RAB3C: variants seen among roughly 807,000 people sequenced by gnomAD.
RAB3C encodes ras-related protein Rab-3C.
In RAB3C, 17 loss-of-function variants were observed where a neutral mutation model predicts 26.4. That is an observed-to-expected ratio of 0.64 (90% CI 0.44 to 0.97). RAB3C has a LOEUF of 0.97. Ranked by LOEUF, RAB3C falls within the 50% of genes least tolerant of loss-of-function variation. The probability of loss-of-function intolerance (pLI) is 0.00; values close to 1 mark genes in which losing one functional copy is unlikely to be tolerated. For missense variants in RAB3C, 242 were observed against 281.9 expected, an observed-to-expected ratio of 0.86 and a Z score of 1.01; for synonymous variants, 91 against 95.9, an observed-to-expected ratio of 0.95 and a Z score of 0.30.
At chr5:58,608,046 A>G (rs1746609859) in intron 1 of RAB3C, among the ~76,000 whole-genome samples, 1 of 152,220 alleles carries the variant, frequency 6.6e-6, no homozygotes. Flanking sequence ...ATAACCAGCT[A>G]ACATCATAAT....
At chr5:58,736,210 T>C (rs1741131280) in intron 3 of RAB3C, among the ~76,000 whole-genome samples, 1 of 152,314 alleles carries the variant, frequency 6.6e-6, no homozygotes, top group African/African-American at 2.4e-5. Context: ...GGCCCCATGG[T>C]CTAGGCCCCA....
chr5:58,640,675 AGT>A (rs1747396402), intron 2 of RAB3C, among the ~76,000 whole-genome samples: 1 of 152,180 alleles, frequency 6.6e-6, no homozygotes. Flanking sequence ...TCCTCTCATA[AGT>A]GTGGCCAAAG....
chr5:58,686,020 T>C (rs1246947449), intron 2 of RAB3C, among the ~76,000 whole-genome samples: 1 of 152,194 alleles, frequency 6.6e-6, no homozygotes, highest in Non-Finnish European at 1.5e-5. Context: ...ATGTAATTTA[T>C]GAAGATGCCT....
intron 1 of RAB3C, among the ~76,000 whole-genome samples, chr5:58,616,753 G>A (rs1334890064): frequency 6.6e-6 from 1 of 152,102 alleles, no homozygotes; most frequent in Non-Finnish European, 1.5e-5. Flanking sequence ...AGGTCACACA[G>A]CCAGTAAAGA....
At chr5:58,740,039 T>C (rs1464417784) in intron 3 of RAB3C, among the ~76,000 whole-genome samples, 1 of 152,230 alleles carries the variant, frequency 6.6e-6, no homozygotes, top group East Asian at 1.9e-4. Flanking sequence ...TTTAAGGCCC[T>C]TTGCCCTCTG....
chr5:58,616,826 C>T (rs113312559), intron 1 of RAB3C, among the ~76,000 whole-genome samples: 1,977 of 152,178 alleles, frequency 0.013, 40 homozygotes, highest in African/African-American at 0.045. Flanking sequence ...TGAATATTTC[C>T]GACATGATCT....
intron 3 of RAB3C, chr5:58,823,052 G>A: frequency 3.6e-6 from 2 of 553,458 alleles, no homozygotes; most frequent in South Asian, 3.0e-5. Context: ...ATGATTCCCT[G>A]CTTGTGATTC....
chr5:58,800,727 G>C (rs953817693), intron 3 of RAB3C, among the ~76,000 whole-genome samples: 1 of 152,150 alleles, frequency 6.6e-6, no homozygotes, highest in African/African-American at 2.4e-5. Context: ...TGGCAAACTT[G>C]AGGAAAAGGA....
chr5:58,853,035 TA>T lies in RAB3C; in HGVS notation c.*1686del, dbSNP rs1744147953. 2 of 152,338 alleles carry T rather than the reference TA, an allele frequency of 1.3e-5. No homozygotes were observed. Among genetic ancestry groups the T allele is most frequent in the Admixed American group, 1.3e-4 (2 of 15,300 alleles). 9.4% of individuals were successfully genotyped at this position (152,338 alleles called of 1,614,324 possible). A position where few individuals can be genotyped will look rare whatever the true frequency, so the allele number is the denominator to read the frequency against. ...AGGGGAGAGAGCATTTGGAATGCTT[TA>T]AGCATTTCCATGTTATTTCTCACCT... On this transcript the variant is annotated 3_prime_UTR_variant, in exon 5 of 5. Coordinates refer to ENST00000282878, the MANE Select transcript of RAB3C (RefSeq NM_138453.4).
intron 2 of RAB3C, among the ~76,000 whole-genome samples, chr5:58,688,671 C>A (rs1203998034): frequency 6.6e-6 from 1 of 152,070 alleles, no homozygotes; most frequent in Admixed American, 6.6e-5. Context: ...ACTTTGCAAT[C>A]CATTTTAATT....
chr5:58,764,803 T>G (rs1241756280), intron 3 of RAB3C, among the ~76,000 whole-genome samples: 1 of 152,204 alleles, frequency 6.6e-6, no homozygotes, highest in Non-Finnish European at 1.5e-5. Context: ...AGCCATCAAT[T>G]TGTATACTTT....
chr5:58,714,915 A>G (rs2111902377), intron 2 of RAB3C, among the ~76,000 whole-genome samples: 1 of 152,198 alleles, frequency 6.6e-6, no homozygotes, highest in East Asian at 1.9e-4. Context: ...TGGTTATTAT[A>G]GAAAATATTA....
At chr5:58,622,654 A>C (rs534130583) in intron 2 of RAB3C, among the ~76,000 whole-genome samples, 28 of 152,338 alleles carry the variant, frequency 1.8e-4, no homozygotes, top group African/African-American at 6.7e-4. Flanking sequence ...GATACTACTA[A>C]TAATAGCAAC....
At position 58,765,661 on chromosome 5, in the gene RAB3C, ACAT is replaced by A. The variant is rs1461859588; in HGVS notation, c.371+39546_371+39548del. On this transcript the variant is annotated intron_variant, in intron 3 of 4. Transcript: ENST00000282878. ...AATGTTTCCATGTCAATATAGTCAT[ACAT>A]CATCCTTTTAATGGACATAAAATAT... 5.3e-5 allele frequency among the ~76,000 whole-genome samples: 8 copies of A among 152,344 alleles called. No individual in the cohort carries two copies. The South Asian group carries it at 1.4e-3, about 28-fold the overall frequency.
chr5:58,701,458 C>G (rs1156915629), intron 2 of RAB3C, among the ~76,000 whole-genome samples: 1 of 152,148 alleles, frequency 6.6e-6, no homozygotes, highest in Non-Finnish European at 1.5e-5. Flanking sequence ...GCAATTGCCT[C>G]TCTTTATTTT....
At chr5:58,830,896 G>T (rs1032621489) in intron 4 of RAB3C, among the ~76,000 whole-genome samples, 3 of 151,654 alleles carry the variant, frequency 2.0e-5, no homozygotes, top group African/African-American at 7.3e-5. Context: ...TTTTAGAGAT[G>T]GGATCTTGCT....
At chr5:58,652,712 A>C (rs1747684478) in intron 2 of RAB3C, among the ~76,000 whole-genome samples, 1 of 147,908 alleles carries the variant, frequency 6.8e-6, no homozygotes, top group Non-Finnish European at 1.5e-5. Context: ...AAAAAAAAAA[A>C]ACAAGAGAAA....
At chr5:58,840,387 T>C (rs1039082927) in intron 4 of RAB3C, among the ~76,000 whole-genome samples, 5 of 152,220 alleles carry the variant, frequency 3.3e-5, no homozygotes, top group African/African-American at 1.2e-4. Flanking sequence ...TCTTTCTGAA[T>C]TCATTGAATT....
intron 3 of RAB3C, among the ~76,000 whole-genome samples, chr5:58,756,625 A>G (rs1249706522): frequency 6.9e-6 from 1 of 144,764 alleles, no homozygotes; most frequent in Non-Finnish European, 1.5e-5. Context: ...AGAACATCAT[A>G]TTTTGGGTAC....
Sources: gnomAD v4.1 joint callset for allele counts (sites outside exome capture counted in the v4.1 genomes callset) on GRCh38, gnomAD v4.1.1 for gene constraint, MANE v1.5 for transcripts, NCBI Gene and HGNC (gene_info 2026-07-23, HGNC 2026-07-21) for gene names.